Variants in TRPC5 observed in about 807,000 individuals in gnomAD.
The protein encoded by TRPC5 is short transient receptor potential channel 5.
Under a neutral mutation model 56.5 loss-of-function variants are expected in TRPC5, and 9 were observed. The ratio of observed to expected loss-of-function variants is 0.16; its 90% CI spans 0.10 to 0.28. The LOEUF is 0.28. TRPC5 is among the 10% of genes least tolerant of loss of function. The pLI is 1.00. For synonymous variants in TRPC5, 282 were observed against 278.5 expected (o/e 1.01, Z -0.13); for missense variants, 469 against 748.9 (o/e 0.63, Z 4.36).
chrX:111,928,475 C>T (rs368858111), intron 2 of TRPC5, among the ~76,000 whole-genome samples: 1 of 112,296 alleles, frequency 8.9e-6, no homozygotes, highest in East Asian at 2.8e-4. Flanking sequence ...AACAATGTCC[C>T]TATCCCATAA....
intron 3 of TRPC5, among the ~76,000 whole-genome samples, chrX:111,883,606 A>G (rs530307214): frequency 1.2e-3 from 136 of 112,702 alleles, no homozygotes; most frequent in Middle Eastern, 4.6e-3. Flanking sequence ...GAATTTTGAT[A>G]AAGTATAGCC....
chrX:112,058,770 C>CT (rs1930395868), intron 1 of TRPC5, among the ~76,000 whole-genome samples: 3 of 111,670 alleles, frequency 2.7e-5, no homozygotes, highest in South Asian at 7.6e-4. Context: ...TTCTTAAAAG[C>CT]TTTTAAGAGG....
intron 2 of TRPC5, among the ~76,000 whole-genome samples, chrX:111,937,246 C>T (rs1414237518): frequency 9.5e-6 from 1 of 104,802 alleles, no homozygotes; most frequent in African/African-American, 3.7e-5. Context: ...GGATATGAGC[C>T]CTTTGTCAGA....
chrX:111,954,643 C>T lies in TRPC5; in HGVS notation c.-21-2202G>A, dbSNP rs1194337537. Among the ~76,000 whole-genome samples, 5 of 111,982 alleles carry T rather than the reference C, an allele frequency of 4.5e-5. No homozygotes were observed. The East Asian group carries it at 1.1e-3, about 25-fold the overall frequency. ...TCTGAAAAATGGTCTTGAACACTTG[C>T]TGCCCATTTGCCATTTAAGAGGCTA... On this transcript the variant is annotated intron_variant, in intron 1 of 10. Transcript: ENST00000262839.
chrX:112,066,120 C>T (rs1299568981), intron 1 of TRPC5, among the ~76,000 whole-genome samples: 4 of 106,041 alleles, frequency 3.8e-5, no homozygotes, highest in African/African-American at 1.4e-4. Flanking sequence ...TCCTTCAAGT[C>T]CCAGCTCTTA....
At chrX:111,806,678 G>A (rs192069025) in intron 7 of TRPC5, among the ~76,000 whole-genome samples, 1 of 111,668 alleles carries the variant, frequency 9.0e-6, no homozygotes, top group African/African-American at 3.2e-5. Context: ...ATTTTTCATG[G>A]TGTACAACAT....
intron 1 of TRPC5, among the ~76,000 whole-genome samples, chrX:111,969,917 A>G (rs1410969452): frequency 9.0e-6 from 1 of 110,955 alleles, no homozygotes; most frequent in Non-Finnish European, 1.9e-5. Context: ...GGCTGTGTCA[A>G]TGGTGAACCA....
intron 2 of TRPC5, among the ~76,000 whole-genome samples, chrX:111,933,830 G>A (rs1258940640): frequency 9.0e-6 from 1 of 111,018 alleles, no homozygotes; most frequent in Non-Finnish European, 1.9e-5. Flanking sequence ...CTTCTCATGA[G>A]ACTATAAATT....
In TRPC5 at chrX:111,771,116, G is replaced by A. The variant is rs1945841140; in HGVS notation, c.*5197C>T. On this transcript the variant is annotated 3_prime_UTR_variant, in exon 11 of 11. Transcript: ENST00000262839. ...AGTTATAAAGAAAGTTCTTTGAGGG[G>A]GAGGAGGGTAGGACAGATACATGCT... is the stretch of plus-strand genomic sequence containing the variant. Among the ~76,000 whole-genome samples the A allele has an allele frequency of 9.0e-6, 1 of 111,504 alleles. No individual in the cohort carries two copies. The highest frequency in any genetic ancestry group is 3.8e-4 in the South Asian group (1 of 2,634).
chrX:111,970,143 T>C (rs933003252), intron 1 of TRPC5, among the ~76,000 whole-genome samples: 1 of 111,535 alleles, frequency 9.0e-6, no homozygotes, highest in East Asian at 2.8e-4. Context: ...TGCTGCTATC[T>C]GTGTGACTGA....
chrX:111,896,609 C>G (rs1308056494), intron 3 of TRPC5: 4 of 111,361 alleles, frequency 3.6e-5, no homozygotes, highest in Non-Finnish European at 7.5e-5. Context: ...GGGGACTGAT[C>G]TGCCTAAGTC....
intron 7 of TRPC5, among the ~76,000 whole-genome samples, chrX:111,807,956 CTGTGTGTGTGTGTGTGTG>C (rs60688414): frequency 6.5e-5 from 6 of 91,927 alleles, no homozygotes; most frequent in Non-Finnish European, 1.2e-4. Flanking sequence ...CTCTCTCTCT[CTGTGTGTGTGTGTGTGTG>C]TGTGTGTGTG....
chrX:111,887,966 G>A (rs1033244411), intron 3 of TRPC5, among the ~76,000 whole-genome samples: 8 of 111,600 alleles, frequency 7.2e-5, no homozygotes, highest in Admixed American at 9.5e-5. Flanking sequence ...AAGTTAGAGC[G>A]GAATAAGGAA....
intron 2 of TRPC5, among the ~76,000 whole-genome samples, chrX:111,935,077 C>T (rs1006233279): frequency 4.5e-5 from 5 of 112,042 alleles, no homozygotes; most frequent in African/African-American, 1.6e-4. Flanking sequence ...TACTAATTTA[C>T]ATTCCCACCA....
intron 1 of TRPC5, among the ~76,000 whole-genome samples, chrX:112,010,957 C>T (rs2148662772): frequency 8.9e-6 from 1 of 111,999 alleles, no homozygotes; most frequent in East Asian, 2.8e-4. Flanking sequence ...AGAAAACTAC[C>T]CACTTCCCTC....
rs1925845212 is a variant in TRPC5 at position 111,912,378 on chromosome X, A to ATGGT, written c.809_812dup (p.His271GlnfsTer5). On this transcript the variant is annotated frameshift_variant, in exon 3 of 11. Coordinates refer to ENST00000262839, the MANE Select transcript of TRPC5 (RefSeq NM_012471.3). LOFTEE classifies it high-confidence loss of function. Reference sequence around the variant, plus strand: ...CAAGCTCTTCACTGTGGTCATCTCGATGGTTGAGGATGATCTCCAGTTCCC... The same window carrying ATGGT: ...CAAGCTCTTCACTGTGGTCATCTCGATGGTTGGTTGAGGATGATCTCCAGTTCCC... The ATGGT allele has an allele frequency of 8.3e-7, 1 of 1,209,003 alleles. No individual in the cohort carries two copies. Among genetic ancestry groups the ATGGT allele is most frequent in the Non-Finnish European group, 1.1e-6 (1 of 895,044 alleles).
At chrX:111,996,434 G>A (rs1198061148) in intron 1 of TRPC5, among the ~76,000 whole-genome samples, 1 of 112,042 alleles carries the variant, frequency 8.9e-6, no homozygotes, top group Non-Finnish European at 1.9e-5. Context: ...TAAGTGCGAT[G>A]TGGTGCTGAG....
chrX:111,826,098 C>T (rs992835263), intron 7 of TRPC5, among the ~76,000 whole-genome samples: 7 of 112,050 alleles, frequency 6.2e-5, no homozygotes, highest in African/African-American at 1.6e-4. Flanking sequence ...GTCAAGTTGC[C>T]GAAAACCACA....
chrX:111,975,764 C>T lies in TRPC5; in HGVS notation c.-21-23323G>A, dbSNP rs756548611. ...ACAAAAAAGAAAAAAATTAGCCGGG[C>T]GTGGCGGCGTGCGCCTGTAGTCCCA... On this transcript the variant is annotated intron_variant, in intron 1 of 10. Coordinates refer to ENST00000262839, the MANE Select transcript of TRPC5 (RefSeq NM_012471.3). Among the ~76,000 whole-genome samples the T allele has an allele frequency of 1.4e-3, 161 of 111,764 alleles. 1 individual carries two copies. Among genetic ancestry groups the T allele is most frequent in the African/African-American group, 5.1e-3 (156 of 30,808 alleles).
Sources: allele counts gnomAD v4.1 joint callset (sites outside exome capture counted in the v4.1 genomes callset), GRCh38; gene constraint gnomAD v4.1.1; transcripts MANE v1.5; gene names NCBI Gene and HGNC (gene_info 2026-07-23, HGNC 2026-07-21).